Variants in NFKB1 observed in about 807,000 individuals in gnomAD.
NFKB1 encodes nuclear factor kappa B subunit 1, also known as nuclear factor NF-kappa-B p105 subunit.
Under a neutral mutation model 105.1 loss-of-function variants are expected in NFKB1, and 9 were observed. That is an observed-to-expected ratio of 0.09 (90% CI 0.05 to 0.15). NFKB1 has a LOEUF of 0.15. Ranked by LOEUF, NFKB1 falls within the 10% of genes least tolerant of loss-of-function variation. The pLI is 1.00. For missense variants in NFKB1, 830 were observed against 1,203.7 expected (o/e 0.69, Z 4.59); for synonymous variants, 440 against 442.2 (o/e 1.00, Z 0.06).
rs1578834582 is a variant in NFKB1, at chr4:102,610,804, C to T, written c.2352+105C>T. 6.0e-6 allele frequency: 8 copies of T among 1,341,410 alleles called. No individual in the cohort carries two copies. The African/African-American group carries it at 8.8e-5, about 15-fold the overall frequency. The allele number at this position is 1,341,410 out of a possible 1,614,324, so 83.1% of individuals were successfully genotyped here. A position where few individuals can be genotyped will look rare whatever the true frequency, so the allele number is the denominator to read the frequency against. ...GGTGCTTTATTCCCCAAAGAACATG[C>T]CTTTTATTTTTAAGAAAGTCTGTTT... On this transcript the variant is annotated intron_variant, in intron 20 of 23. Transcript: ENST00000226574.
intron 1 of NFKB1, among the ~76,000 whole-genome samples, chr4:102,515,048 ATCATCTCTGTCT>A (rs2149101930): frequency 6.7e-6 from 1 of 150,168 alleles, no homozygotes; most frequent in Non-Finnish European, 1.5e-5. Context: ...ATCCAGTCTG[ATCATCTCTGTCT>A]TCTAGATGAG....
intron 15 of NFKB1, among the ~76,000 whole-genome samples, chr4:102,600,376 C>G (rs1385259888): frequency 6.6e-6 from 1 of 152,208 alleles, no homozygotes; most frequent in Non-Finnish European, 1.5e-5. Flanking sequence ...CCATTCTCCA[C>G]TCTTGGGATC....
At chr4:102,510,985 C>G (rs1739740497) in intron 1 of NFKB1, 1 of 1,276,754 alleles carries the variant, frequency 7.8e-7, no homozygotes, top group Non-Finnish European at 1.0e-6. Context: ...AAAAAGTCAG[C>G]CTTTAAAAAG....
At chr4:102,538,406 A>T (rs1370373918) in intron 5 of NFKB1, among the ~76,000 whole-genome samples, 1 of 152,234 alleles carries the variant, frequency 6.6e-6, no homozygotes, top group Non-Finnish European at 1.5e-5. Context: ...AGGTTTAACC[A>T]ATACTTCTAA....
At chr4:102,509,077 A>T (rs567338368) in intron 1 of NFKB1, among the ~76,000 whole-genome samples, 3 of 152,328 alleles carry the variant, frequency 2.0e-5, no homozygotes, top group South Asian at 2.1e-4. Context: ...ATGAAAAAAC[A>T]CTTTAGAAGT....
intron 5 of NFKB1, among the ~76,000 whole-genome samples, chr4:102,541,699 C>T (rs745531703): frequency 1.3e-5 from 2 of 152,104 alleles, no homozygotes; most frequent in Non-Finnish European, 2.9e-5. Flanking sequence ...AAGCCATTCC[C>T]ACAGGAACTT....
chr4:102,567,388 C>T, intron 6 of NFKB1, among the ~76,000 whole-genome samples: 1 of 152,050 alleles, frequency 6.6e-6, no homozygotes, highest in South Asian at 2.1e-4. Context: ...TAAAGGTGGC[C>T]CAATTTGGAT....
At position 102,576,895 on chromosome 4, in the gene NFKB1, C is replaced by T. The variant is rs749720974; in HGVS notation, c.427C>T (p.Leu143Phe). The change falls in exon 7 of 24, where the codon CTT becomes TTT. Residue 143 changes from leucine to phenylalanine, a missense_variant. This residue lies in a region of NFKB1 where 2 missense variants were observed against 21.8 expected (regional missense o/e 0.09). Coordinates refer to ENST00000226574, the MANE Select transcript of NFKB1 (RefSeq NM_003998.4). ...MVVGFANLGILHVTKKKVFET... is the reference protein window; with the variant it reads ...MVVGFANLGIFHVTKKKVFET... ...CTCCAGCTTCGCAAACCTGGGTATA[C>T]TTCATGTGACAAAGAAAAAAGTATT... The T allele has an allele frequency of 6.2e-7, 1 of 1,612,398 alleles. No homozygotes were observed. Among genetic ancestry groups the T allele is most frequent in the Non-Finnish European group, 8.5e-7 (1 of 1,179,478 alleles).
At chr4:102,585,806 T>A (rs1037877679) in intron 11 of NFKB1, among the ~76,000 whole-genome samples, 2 of 152,074 alleles carry the variant, frequency 1.3e-5, no homozygotes, top group Non-Finnish European at 2.9e-5. Context: ...ATTTCAGCAG[T>A]TGGGTGTTAA....
At chr4:102,508,179 C>T (rs1739549800) in intron 1 of NFKB1, among the ~76,000 whole-genome samples, 1 of 152,168 alleles carries the variant, frequency 6.6e-6, no homozygotes, top group Non-Finnish European at 1.5e-5. Flanking sequence ...TGGTGTTTGA[C>T]TGTTAAGACT....
In NFKB1 at chr4:102,604,973, TA is replaced by T. The variant is rs70937553; in HGVS notation, c.1753-1511del. On this transcript the variant is annotated intron_variant, in intron 16 of 23. Coordinates refer to ENST00000226574, the MANE Select transcript of NFKB1 (RefSeq NM_003998.4). ...TTGATTGGACTGTGGAAGAAAATAT[TA>T]AAAAAAAAAAACCTCTCCGACTCAT... Among the ~76,000 whole-genome samples, 729 of 146,216 alleles carry T rather than the reference TA, an allele frequency of 5.0e-3. 3 individuals carry two copies. Among genetic ancestry groups the T allele is most frequent in the South Asian group, 8.7e-3 (40 of 4,600 alleles).
intron 4 of NFKB1, among the ~76,000 whole-genome samples, chr4:102,535,653 T>C (rs1249511587): frequency 2.0e-5 from 3 of 152,150 alleles, no homozygotes; most frequent in African/African-American, 7.2e-5. Context: ...CAGAAATGCA[T>C]CCAGACAATG....
intron 10 of NFKB1, among the ~76,000 whole-genome samples, chr4:102,583,918 A>G (rs982555682): frequency 9.2e-5 from 14 of 152,234 alleles, no homozygotes; most frequent in African/African-American, 3.1e-4. Context: ...GCGAACTAAT[A>G]TAGAAAGATC....
chr4:102,516,384 A>C (rs139067155), intron 1 of NFKB1, among the ~76,000 whole-genome samples: 220 of 152,242 alleles, frequency 1.4e-3, no homozygotes, highest in African/African-American at 4.9e-3. Context: ...CTATGTTACA[A>C]ATACGTAAGA....
chr4:102,517,987 C>A (rs552139868), intron 1 of NFKB1, among the ~76,000 whole-genome samples: 1 of 152,202 alleles, frequency 6.6e-6, no homozygotes, highest in African/African-American at 2.4e-5. Context: ...GAGGAAGAAA[C>A]CCTGCAGTGA....
intron 1 of NFKB1, among the ~76,000 whole-genome samples, chr4:102,523,276 G>A (rs1396842951): frequency 1.3e-5 from 2 of 152,180 alleles, no homozygotes; most frequent in Non-Finnish European, 2.9e-5. Context: ...AATTGTGGCT[G>A]TCTGTATATC....
intron 5 of NFKB1, among the ~76,000 whole-genome samples, chr4:102,558,256 C>T (rs1353658175): frequency 6.6e-6 from 1 of 151,976 alleles, no homozygotes; most frequent in African/African-American, 2.4e-5. Flanking sequence ...GTGTTCTCAT[C>T]ATTTAGCTCC....
chr4:102,567,558 A>G (rs1386379128), intron 6 of NFKB1, among the ~76,000 whole-genome samples: 1 of 152,166 alleles, frequency 6.6e-6, no homozygotes, highest in Non-Finnish European at 1.5e-5. Context: ...TCTTCAGTGG[A>G]TTTATGGTGT....
chr4:102,558,031 C>CTTTTTT (rs575415233), intron 5 of NFKB1, among the ~76,000 whole-genome samples: 1 of 130,874 alleles, frequency 7.6e-6, no homozygotes. Context: ...GATATCTAGC[C>CTTTTTT]TTTTTTTTTT....
Sources: gnomAD v4.1 joint callset for allele counts (sites outside exome capture counted in the v4.1 genomes callset) on GRCh38, gnomAD v4.1.1 for gene constraint, gnomAD v4.1.1 regional missense constraint, MANE v1.5 for transcripts, NCBI Gene and HGNC (gene_info 2026-07-23, HGNC 2026-07-21) for gene names.